Variants in COL22A1 observed in about 807,000 individuals in gnomAD.
The protein encoded by COL22A1 is collagen alpha-1(XXII) chain.
In COL22A1, 221 loss-of-function variants were observed where a neutral mutation model predicts 248.9. The observed-to-expected ratio is 0.89, with a 90% CI of 0.80 to 0.99. The LOEUF (loss-of-function observed/expected upper bound fraction) is 0.99. Ranked by LOEUF, COL22A1 falls within the 50% of genes least tolerant of loss-of-function variation. The pLI is 0.00. For synonymous variants in COL22A1, 891 were observed against 793.4 expected (o/e 1.12, Z -2.07); for missense variants, 2,240 against 2,179.0 (o/e 1.03, Z -0.56).
At chr8:138,785,251 G>T (rs1815414588) in intron 12 of COL22A1, among the ~76,000 whole-genome samples, 1 of 152,208 alleles carries the variant, frequency 6.6e-6, no homozygotes, top group Admixed American at 6.5e-5. Flanking sequence ...GGAGCCAGGA[G>T]ACGGTGGTGA....
chr8:138,882,827 T>TC (rs201851795), intron 2 of COL22A1, among the ~76,000 whole-genome samples: 1,535 of 151,916 alleles, frequency 0.01, 22 homozygotes, highest in African/African-American at 0.034. Context: ...TCACACACTC[T>TC]CCCTCACACT....
intron 3 of COL22A1, 112 bp from the exon 4 acceptor site, chr8:138,844,270 C>A: frequency 1.1e-6 from 1 of 918,660 alleles, no homozygotes; most frequent in South Asian, 1.3e-5. Flanking sequence ...GTGAGGTGTT[C>A]AATGCCTGGA....
intron 42 of COL22A1, 141 bp downstream of exon 42, chr8:138,663,564 G>C: frequency 2.9e-6 from 2 of 694,012 alleles, no homozygotes; most frequent in Non-Finnish European, 5.2e-6. Flanking sequence ...GAGTTCATAG[G>C]TTGGACAGTC....
At chr8:138,777,842 T>C (rs1296150680) in intron 15 of COL22A1, 1 of 168,088 alleles carries the variant, frequency 5.9e-6, no homozygotes, top group African/African-American at 2.4e-5. Context: ...TGTGCATGTG[T>C]CTTTATAGAG....
chr8:138,908,012 T>C (rs192575236), intron 1 of COL22A1, among the ~76,000 whole-genome samples: 227 of 152,288 alleles, frequency 1.5e-3, no homozygotes, highest in African/African-American at 5.1e-3. Context: ...TGTCCGTCCA[T>C]GCAGACATTT....
chr8:138,607,546 C>T (rs1564089880), intron 57 of COL22A1, among the ~76,000 whole-genome samples: 1 of 151,666 alleles, frequency 6.6e-6, no homozygotes, highest in Non-Finnish European at 1.5e-5. Flanking sequence ...ACCCCCGTCC[C>T]TACCTCCATT....
chr8:138,836,665 A>C (rs1042290494), intron 4 of COL22A1, among the ~76,000 whole-genome samples: 1 of 152,184 alleles, frequency 6.6e-6, no homozygotes, highest in African/African-American at 2.4e-5. Context: ...TATCAGTCTC[A>C]TCTGTAAACT....
chr8:138,710,834 C>T (rs992693838), intron 30 of COL22A1, among the ~76,000 whole-genome samples: 13 of 152,116 alleles, frequency 8.5e-5, no homozygotes, highest in Non-Finnish European at 1.5e-5. Flanking sequence ...CAATTCTCTT[C>T]CTGACATTGT....
intron 3 of COL22A1, 92 bp from the exon 4 acceptor site, chr8:138,844,250 C>T: frequency 8.5e-7 from 1 of 1,177,370 alleles, no homozygotes; most frequent in Non-Finnish European, 1.3e-6. Context: ...CCCACCCTGC[C>T]TTGCAGCATG....
At chr8:138,873,197 C>T (rs866407362) in intron 3 of COL22A1, among the ~76,000 whole-genome samples, 1 of 152,230 alleles carries the variant, frequency 6.6e-6, no homozygotes, top group African/African-American at 2.4e-5. Flanking sequence ...AACCATAAAA[C>T]AGCCAGCCTG....
intron 1 of COL22A1, among the ~76,000 whole-genome samples, chr8:138,889,670 C>G (rs1301145025): frequency 6.6e-6 from 1 of 152,106 alleles, no homozygotes; most frequent in Non-Finnish European, 1.5e-5. Context: ...ATGTAACTAA[C>G]CTGCACATTG....
At chr8:138,664,209 G>A (rs866197446) in intron 41 of COL22A1, among the ~76,000 whole-genome samples, 2,095 of 103,022 alleles carry the variant, frequency 0.02, 41 homozygotes, top group African/African-American at 0.05. Context: ...GCGCGCGCGC[G>A]CACACACACA....
At chr8:138,910,221 A>AGGC (rs1282508105) in intron 1 of COL22A1, among the ~76,000 whole-genome samples, 8 of 152,234 alleles carry the variant, frequency 5.3e-5, no homozygotes, top group African/African-American at 1.9e-4. Context: ...TGCTGGCCTC[A>AGGC]GGCAAAGTGC....
chr8:138,609,682 T>C (rs1028762517), intron 56 of COL22A1, among the ~76,000 whole-genome samples: 2 of 152,218 alleles, frequency 1.3e-5, no homozygotes, highest in East Asian at 1.9e-4. Flanking sequence ...CTAGCCCTCC[T>C]CCTTCTTTCT....
rs1814424654 is a variant in COL22A1 at position 138,776,024 on chromosome 8, A to C, written c.1759-14T>G. The C allele has an allele frequency of 6.2e-7, 1 of 1,613,906 alleles. No homozygotes were observed. Among genetic ancestry groups the C allele is most frequent in the Non-Finnish European group, 8.5e-7 (1 of 1,179,862 alleles). On this transcript the variant is annotated splice_polypyrimidine_tract_variant and intron_variant, in intron 15 of 64. Coordinates refer to ENST00000303045, the MANE Select transcript of COL22A1 (RefSeq NM_152888.3). Reference sequence around the variant, plus strand: ...TCCTTGGAGACCCTGGGGGACAAAGAAAGAGCAGTGACCCAACATCTTAAT... The same window carrying C: ...TCCTTGGAGACCCTGGGGGACAAAGCAAGAGCAGTGACCCAACATCTTAAT...
At chr8:138,762,583 C>A in intron 16 of COL22A1, 117 bp from the exon 17 acceptor site, 2 of 684,140 alleles carry the variant, frequency 2.9e-6, no homozygotes, top group South Asian at 3.5e-5. Context: ...GTGCCAAACG[C>A]ACGTGCACAC....
At chr8:138,896,698 C>T (rs566114968) in intron 1 of COL22A1, among the ~76,000 whole-genome samples, 12 of 152,272 alleles carry the variant, frequency 7.9e-5, no homozygotes, top group South Asian at 4.2e-4. Context: ...CAAGGCCAGA[C>T]GCGGTGGCTT....
At chr8:138,858,630 C>A (rs1182536099) in intron 3 of COL22A1, among the ~76,000 whole-genome samples, 1 of 152,174 alleles carries the variant, frequency 6.6e-6, no homozygotes, top group Non-Finnish European at 1.5e-5. Flanking sequence ...ACCCTCCAAA[C>A]CCTGAGCTTC....
At position 138,768,284 on chromosome 8, in the gene COL22A1, G is replaced by A. The variant is rs559682333; in HGVS notation, c.1804-5818C>T. ...CTCCCCATCTGTCTTGCTCACTCTC[G>A]GCCACAGCAGCAGTTGCACGGCACT... On this transcript the variant is annotated intron_variant, in intron 16 of 64. Transcript: ENST00000303045. 7.2e-5 allele frequency among the ~76,000 whole-genome samples: 11 copies of A among 152,234 alleles called. No homozygotes were observed. The South Asian group carries it at 1.0e-3, about 14-fold the overall frequency.
Sources: gnomAD v4.1 joint callset for allele counts (sites outside exome capture counted in the v4.1 genomes callset) on GRCh38, gnomAD v4.1.1 for gene constraint, MANE v1.5 for transcripts, NCBI Gene and HGNC (gene_info 2026-07-23, HGNC 2026-07-21) for gene names.